DGKB: variants seen among roughly 807,000 people sequenced by gnomAD.
The protein encoded by DGKB is 90 kDa diacylglycerol kinase.
DGKB carries 67 observed loss-of-function variants against 114.3 expected under a neutral mutation model. That is an observed-to-expected ratio of 0.59 (90% confidence interval 0.48 to 0.72). The LOEUF (loss-of-function observed/expected upper bound fraction) is 0.72, where lower values mean the gene tolerates loss of function less well. Among genes scored for constraint, DGKB ranks in the 30% least tolerant of loss-of-function variants. The probability of loss-of-function intolerance (pLI) is 0.00; values close to 1 mark genes in which losing one functional copy is unlikely to be tolerated. For missense variants in DGKB, 907 were observed against 975.2 expected (o/e 0.93, Z 0.93); for synonymous variants, 398 against 323.1 (o/e 1.23, Z -2.49).
chr7:14,655,091 A>C (rs889497439), intron 13 of DGKB, among the ~76,000 whole-genome samples: 8 of 151,790 alleles, frequency 5.3e-5, no homozygotes, highest in Admixed American at 5.3e-4. Context: ...CAGAGTGAAC[A>C]GACAATCTGT....
intron 17 of DGKB, among the ~76,000 whole-genome samples, chr7:14,590,637 C>T (rs995994209): frequency 1.3e-5 from 2 of 152,084 alleles, no homozygotes; most frequent in Non-Finnish European, 2.9e-5. Context: ...ATGCAGTTTT[C>T]CCTAGAAACT....
At chr7:14,966,275 T>G (rs936822695) in intron 1 of DGKB, among the ~76,000 whole-genome samples, 1 of 152,098 alleles carries the variant, frequency 6.6e-6, no homozygotes, top group African/African-American at 2.4e-5. Flanking sequence ...AGAGGCTTTT[T>G]TATACCTCAC....
At chr7:14,567,272 TA>T (rs1318079284) in intron 20 of DGKB, among the ~76,000 whole-genome samples, 2 of 48,926 alleles carry the variant, frequency 4.1e-5, no homozygotes, top group South Asian at 4.8e-4. Flanking sequence ...ATTATATATA[TA>T]ATTATATTAT....
chr7:14,174,159 T>C (rs909357513), intron 25 of DGKB, among the ~76,000 whole-genome samples: 1 of 152,160 alleles, frequency 6.6e-6, no homozygotes, highest in Non-Finnish European at 1.5e-5. Context: ...ATTTCCAGCA[T>C]GCACCGGGGC....
intron 21 of DGKB, among the ~76,000 whole-genome samples, chr7:14,365,759 T>A (rs1171861374): frequency 6.6e-6 from 1 of 152,128 alleles, no homozygotes; most frequent in Non-Finnish European, 1.5e-5. Context: ...ATAAGCCTTT[T>A]ATTTTCATTT....
intron 1 of DGKB, among the ~76,000 whole-genome samples, chr7:14,965,402 T>A (rs1193854602): frequency 6.6e-6 from 1 of 152,060 alleles, no homozygotes; most frequent in Non-Finnish European, 1.5e-5. Flanking sequence ...CAGAGCATAT[T>A]TTTATATGAA....
intron 21 of DGKB, among the ~76,000 whole-genome samples, chr7:14,348,035 A>G (rs1215823652): frequency 6.6e-6 from 1 of 152,014 alleles, no homozygotes. Flanking sequence ...CAATGAAAAT[A>G]TCTTGCAAAC....
At chr7:14,329,061 A>T (rs1562947248) in intron 23 of DGKB, among the ~76,000 whole-genome samples, 1 of 151,994 alleles carries the variant, frequency 6.6e-6, no homozygotes. Flanking sequence ...CACACTTCCA[A>T]GGAGCTACTA....
chr7:14,373,964 A>G (rs1380408181), intron 21 of DGKB, among the ~76,000 whole-genome samples: 1 of 152,028 alleles, frequency 6.6e-6, no homozygotes, highest in Non-Finnish European at 1.5e-5. Context: ...GCATCTGCCA[A>G]TTTAATTCTC....
chr7:14,645,257 T>C (rs1018767655), intron 13 of DGKB, among the ~76,000 whole-genome samples: 2 of 152,150 alleles, frequency 1.3e-5, no homozygotes, highest in African/African-American at 4.8e-5. Flanking sequence ...TTCTACTATA[T>C]CTTACTCACT....
intron 1 of DGKB, among the ~76,000 whole-genome samples, chr7:14,916,190 T>C (rs892062288): frequency 2.6e-5 from 4 of 151,862 alleles, no homozygotes; most frequent in African/African-American, 9.7e-5. Flanking sequence ...CCTAACATTT[T>C]TGAAGAAGTA....
In DGKB at chr7:14,949,723, C is replaced by A. The variant is rs142533063; in HGVS notation, c.-188+24973G>T. On this transcript the variant is annotated intron_variant, in intron 1 of 4. Transcript: ENST00000437998. Reference sequence around the variant, plus strand: ...GGCATACCATAGTAAAAATGATAGACTGGATTAAGAAAATGTGGCACATAT... The same window carrying A: ...GGCATACCATAGTAAAAATGATAGAATGGATTAAGAAAATGTGGCACATAT... 8.6e-3 allele frequency among the ~76,000 whole-genome samples: 1,313 copies of A among 151,932 alleles called. 11 individuals carry two copies. The highest frequency in any genetic ancestry group is 0.016 in the Non-Finnish European group (1,055 of 67,932).
chr7:14,434,986 T>C (rs981978771), intron 21 of DGKB, among the ~76,000 whole-genome samples: 1 of 152,152 alleles, frequency 6.6e-6, no homozygotes, highest in African/African-American at 2.4e-5. Flanking sequence ...CCCATTTCCT[T>C]TCAATTGCAT....
intron 1 of DGKB, among the ~76,000 whole-genome samples, chr7:14,946,299 GA>G (rs2128257541): frequency 6.6e-6 from 1 of 151,298 alleles, no homozygotes; most frequent in African/African-American, 2.4e-5. Context: ...GAGTTTTAAG[GA>G]AAAAAAGAAA....
At chr7:14,582,705 T>A (rs1322051123) in intron 18 of DGKB, among the ~76,000 whole-genome samples, 1 of 152,080 alleles carries the variant, frequency 6.6e-6, no homozygotes, top group Admixed American at 6.6e-5. Flanking sequence ...CGTAAGCACA[T>A]CAATTTCGCA....
chr7:14,524,093 C>T (rs756704374), intron 20 of DGKB, among the ~76,000 whole-genome samples: 4 of 152,028 alleles, frequency 2.6e-5, no homozygotes, highest in South Asian at 2.1e-4. Context: ...GTTTGTTTAA[C>T]ATATATTTAA....
At chr7:14,247,766 A>C (rs1794692792) in intron 23 of DGKB, among the ~76,000 whole-genome samples, 1 of 151,960 alleles carries the variant, frequency 6.6e-6, no homozygotes, top group Admixed American at 6.6e-5. Flanking sequence ...CAGACGCATA[A>C]TTTACAAATA....
chr7:14,273,437 G>T (rs779600680), intron 23 of DGKB, among the ~76,000 whole-genome samples: 5 of 152,194 alleles, frequency 3.3e-5, no homozygotes, highest in Admixed American at 6.5e-5. Context: ...CATTTCAGAT[G>T]TAACAGTAAA....
At chr7:14,443,792 G>C (rs1830383709) in intron 21 of DGKB, among the ~76,000 whole-genome samples, 1 of 151,908 alleles carries the variant, frequency 6.6e-6, no homozygotes, top group South Asian at 2.1e-4. Flanking sequence ...ATTCTGCATA[G>C]GATTTATTAT....
Sources: allele counts gnomAD v4.1 joint callset (sites outside exome capture counted in the v4.1 genomes callset), GRCh38; gene constraint gnomAD v4.1.1; transcripts MANE v1.5; gene names NCBI Gene and HGNC (gene_info 2026-07-23, HGNC 2026-07-21).